Variants in HS6ST3 observed in about 807,000 individuals in gnomAD.
HS6ST3 encodes the protein heparan sulfate 6-O-sulfotransferase 3, also known as heparan-sulfate 6-O-sulfotransferase 3.
HS6ST3 carries 12 observed loss-of-function variants against 36.7 expected under a neutral mutation model. The ratio of observed to expected loss-of-function variants is 0.33; its 90% CI spans 0.21 to 0.53. The LOEUF (loss-of-function observed/expected upper bound fraction) is 0.53. Among genes scored for constraint, HS6ST3 ranks in the 20% least tolerant of loss-of-function variants. The probability of loss-of-function intolerance (pLI) is 0.95; values close to 1 mark genes in which losing one functional copy is unlikely to be tolerated. For synonymous variants in HS6ST3, 240 were observed against 257.5 expected, an observed-to-expected ratio of 0.93 and a Z score of 0.65; for missense variants, 584 against 640.9, an observed-to-expected ratio of 0.91 and a Z score of 0.96.
chr13:96,682,297 A>G (rs1391448412), intron 1 of HS6ST3, among the ~76,000 whole-genome samples: 21 of 152,126 alleles, frequency 1.4e-4, no homozygotes, highest in Admixed American at 1.4e-3. Context: ...ATAACCATTT[A>G]AGGCATACAA....
chr13:96,221,667 C>G (rs951831268), intron 1 of HS6ST3, among the ~76,000 whole-genome samples: 1 of 151,984 alleles, frequency 6.6e-6, no homozygotes, highest in African/African-American at 2.4e-5. Context: ...CTGGTGATCC[C>G]TAGAGTCTAG....
chr13:96,739,242 T>A (rs879279012), intron 1 of HS6ST3, among the ~76,000 whole-genome samples: 2,270 of 150,156 alleles, frequency 0.015, 37 homozygotes, highest in African/African-American at 0.034. Context: ...TGTGTGTGTG[T>A]GTGTGTGTGT....
chr13:96,230,399 T>C (rs2092693374), intron 1 of HS6ST3, among the ~76,000 whole-genome samples: 1 of 152,110 alleles, frequency 6.6e-6, no homozygotes, highest in South Asian at 2.1e-4. Flanking sequence ...ATCACTGGAT[T>C]GATTTGATGG....
intron 1 of HS6ST3, among the ~76,000 whole-genome samples, chr13:96,726,131 C>T (rs548541597): frequency 5.9e-5 from 9 of 152,218 alleles, no homozygotes; most frequent in South Asian, 4.2e-4. Flanking sequence ...CCACCGTGCC[C>T]GGCCTATGAT....
intron 1 of HS6ST3, among the ~76,000 whole-genome samples, chr13:96,786,328 A>C (rs1877648279): frequency 6.6e-6 from 1 of 152,018 alleles, no homozygotes; most frequent in Non-Finnish European, 1.5e-5. Flanking sequence ...AGTTCTTGGT[A>C]GCACTTACCA....
chr13:96,124,850 G>A (rs903363738), intron 1 of HS6ST3, among the ~76,000 whole-genome samples: 2 of 152,138 alleles, frequency 1.3e-5, no homozygotes, highest in African/African-American at 4.8e-5. Context: ...CTTATTAGAC[G>A]TTTAAGGTAT....
At chr13:96,242,749 A>G (rs1174248437) in intron 1 of HS6ST3, among the ~76,000 whole-genome samples, 4 of 152,194 alleles carry the variant, frequency 2.6e-5, no homozygotes, top group African/African-American at 4.8e-5. Flanking sequence ...TACAGCTACA[A>G]TGGAAAGCAG....
In HS6ST3 at chr13:96,809,477, G is replaced by A. The variant is rs1389414250; in HGVS notation, c.708-23013G>A. ...TTAATTTATTTAAGAATGGCCAGGC[G>A]ACATATTAACAAACACAGAGCCCTC... On this transcript the variant is annotated intron_variant, in intron 1 of 1. Coordinates refer to ENST00000376705, the MANE Select transcript of HS6ST3 (RefSeq NM_153456.4). Among the ~76,000 whole-genome samples the A allele has an allele frequency of 4.6e-5, 7 of 152,168 alleles. No individual in the cohort carries two copies. The East Asian group carries it at 7.7e-4, about 17-fold the overall frequency.
Position 96,810,251 on chromosome 13 carries a change from A to G in HS6ST3, c.708-22239A>G, listed in dbSNP as rs79159803. On this transcript the variant is annotated intron_variant, in intron 1 of 1. Coordinates refer to ENST00000376705, the MANE Select transcript of HS6ST3 (RefSeq NM_153456.4). ...CTTTCCTATCAGGAAACCTTGCTCC[A>G]TTTGTCCTGGACTTTAACCAACGTT... 9.8e-4 allele frequency among the ~76,000 whole-genome samples: 149 copies of G among 152,218 alleles called. 4 individuals carry two copies. The East Asian group carries it at 0.026, about 26-fold the overall frequency.
At chr13:96,704,419 G>C (rs923894953) in intron 1 of HS6ST3, among the ~76,000 whole-genome samples, 9 of 152,194 alleles carry the variant, frequency 5.9e-5, no homozygotes, top group African/African-American at 2.2e-4. Context: ...TTAGTAGTAA[G>C]ATCAGTCAAA....
chr13:96,363,942 T>C (rs1238766936), intron 1 of HS6ST3, among the ~76,000 whole-genome samples: 1 of 152,016 alleles, frequency 6.6e-6, no homozygotes, highest in African/African-American at 2.4e-5. Flanking sequence ...AGAAAATAAA[T>C]GAAAATATAA....
intron 1 of HS6ST3, among the ~76,000 whole-genome samples, chr13:96,348,795 T>A (rs1454002443): frequency 6.6e-6 from 1 of 152,198 alleles, no homozygotes; most frequent in Non-Finnish European, 1.5e-5. Context: ...TCTGCATCTC[T>A]TTAGTTCACA....
intron 1 of HS6ST3, among the ~76,000 whole-genome samples, chr13:96,247,173 C>T (rs1217394395): frequency 1.3e-5 from 2 of 151,990 alleles, no homozygotes; most frequent in African/African-American, 4.8e-5. Flanking sequence ...ACTTTCCTCT[C>T]CCATCCTGGA....
chr13:96,801,685 G>A (rs1404140283), intron 1 of HS6ST3, among the ~76,000 whole-genome samples: 2 of 152,044 alleles, frequency 1.3e-5, no homozygotes, highest in Non-Finnish European at 2.9e-5. Flanking sequence ...GACAGTCCAC[G>A]ACAGAGTCAG....
intron 1 of HS6ST3, among the ~76,000 whole-genome samples, chr13:96,432,945 C>T (rs1411138919): frequency 6.6e-6 from 1 of 152,100 alleles, no homozygotes; most frequent in East Asian, 1.9e-4. Flanking sequence ...TATTGAAAGT[C>T]ATAAGAGAAG....
intron 1 of HS6ST3, among the ~76,000 whole-genome samples, chr13:96,328,460 T>A (rs1157923413): frequency 6.6e-6 from 1 of 152,108 alleles, no homozygotes; most frequent in African/African-American, 2.4e-5. Context: ...TGTCTTTGGC[T>A]CTGTTTATAT....
chr13:96,195,190 G>A (rs564913402), intron 1 of HS6ST3, among the ~76,000 whole-genome samples: 1 of 152,202 alleles, frequency 6.6e-6, no homozygotes, highest in South Asian at 2.1e-4. Flanking sequence ...AACAAAAATA[G>A]CATTAACAGA....
At chr13:96,784,097 G>GAA (rs36068908) in intron 1 of HS6ST3, among the ~76,000 whole-genome samples, 10 of 127,608 alleles carry the variant, frequency 7.8e-5, no homozygotes, top group Non-Finnish European at 6.7e-5. Context: ...TTCTTGCTGA[G>GAA]AAAAAAAAAA....
chr13:96,388,581 G>A (rs1247846756), intron 1 of HS6ST3, among the ~76,000 whole-genome samples: 1 of 152,134 alleles, frequency 6.6e-6, no homozygotes, highest in African/African-American at 2.4e-5. Context: ...AGGAAAAAAT[G>A]TTATTCTTTC....
Sources: gnomAD v4.1 joint callset for allele counts (sites outside exome capture counted in the v4.1 genomes callset) on GRCh38, gnomAD v4.1.1 for gene constraint, MANE v1.5 for transcripts, NCBI Gene and HGNC (gene_info 2026-07-23, HGNC 2026-07-21) for gene names.